The following FGF12 variants were observed in gnomAD, a reference collection of about 807,000 sequenced individuals.
FGF12 encodes the protein fibroblast growth factor 12B.
A neutral mutation model predicts 23.6 loss-of-function variants in FGF12; 14 were observed. The observed-to-expected ratio is 0.59, with a 90% CI of 0.39 to 0.93. FGF12 has a LOEUF of 0.93. Among genes scored for constraint, FGF12 ranks in the 40% least tolerant of loss-of-function variants. The pLI is 0.00. For missense variants in FGF12, 175 were observed against 217.8 expected (o/e 0.80, Z 1.24); for synonymous variants, 62 against 77.3 (o/e 0.80, Z 1.04).
chr3:192,504,457 T>C (rs1048855848), intron 2 of FGF12, among the ~76,000 whole-genome samples: 18 of 152,372 alleles, frequency 1.2e-4, no homozygotes, highest in African/African-American at 4.3e-4. Flanking sequence ...AAAGAGGCAC[T>C]TCTGCCTTTC....
rs34864946 is a variant in FGF12 at position 192,727,462 on chromosome 3, A to AT, written c.-131+21dup. On this transcript the variant is annotated intron_variant, in intron 1 of 5. Coordinates refer to ENST00000445105, the MANE Select transcript of FGF12 (RefSeq NM_004113.6). ...AAATGCATGCACAGTGCCCGCTCAG[A>AT]TTTTTTTTTTTTTTTTTTTACCTGG... is the stretch of plus-strand genomic sequence containing the variant. The AT allele has an allele frequency of 0.085, 47,662 of 558,886 alleles. 378 individuals carry two copies. Among genetic ancestry groups the AT allele is most frequent in the East Asian group, 0.18 (4,756 of 26,230 alleles). The allele number at this position is 558,886 out of a possible 1,614,324, so 34.6% of individuals were successfully genotyped here.
At chr3:192,257,247 T>G (rs1046456041) in intron 4 of FGF12, among the ~76,000 whole-genome samples, 5 of 152,164 alleles carry the variant, frequency 3.3e-5, no homozygotes, top group African/African-American at 1.2e-4. Flanking sequence ...TGTCAGAGTC[T>G]CAGCATTAGC....
chr3:192,349,321 A>G (rs917840870), intron 3 of FGF12, among the ~76,000 whole-genome samples: 2 of 152,076 alleles, frequency 1.3e-5, no homozygotes, highest in Non-Finnish European at 2.9e-5. Flanking sequence ...CAGAGCCTCA[A>G]AGTAAGGTAA....
chr3:192,700,424 A>G (rs1163144229), intron 2 of FGF12, among the ~76,000 whole-genome samples: 1 of 152,214 alleles, frequency 6.6e-6, no homozygotes, highest in Non-Finnish European at 1.5e-5. Flanking sequence ...AAATCCAAAT[A>G]AAGTCCTGTC....
intron 2 of FGF12, among the ~76,000 whole-genome samples, chr3:192,512,835 A>AATATATATATATATATATATAT (rs773570110): frequency 5.1e-4 from 39 of 76,748 alleles, no homozygotes; most frequent in African/African-American, 2.0e-3. Context: ...TACTCAAATA[A>AATATATATATATATATATATAT]ATATATATAT....
intron 4 of FGF12, among the ~76,000 whole-genome samples, chr3:192,172,225 C>T (rs1168894089): frequency 7.2e-6 from 1 of 139,300 alleles, no homozygotes; most frequent in Non-Finnish European, 1.6e-5. Context: ...CCCGTCTCTA[C>T]TAAAAATGCA....
In FGF12 at chr3:192,312,609, C is replaced by T. The variant is rs140440882; in HGVS notation, c.228+22752G>A. 5.7e-4 allele frequency among the ~76,000 whole-genome samples: 86 copies of T among 151,948 alleles called. No homozygotes were observed. In the East Asian group the frequency reaches 0.01, roughly 18 times the overall value. ...GGATTATATGTACAATTAGTCAAAA[C>T]GCAAAGATAATACAAATACAAAACA... is the stretch of plus-strand genomic sequence containing the variant. On this transcript the variant is annotated intron_variant, in intron 4 of 5. Transcript: ENST00000445105.
chr3:192,605,270 G>A lies in FGF12; in HGVS notation c.13+121911C>T, dbSNP rs1023019326. Among the ~76,000 whole-genome samples, 10 of 151,848 alleles carry A rather than the reference G, an allele frequency of 6.6e-5. No homozygotes were observed. In the East Asian group the frequency reaches 1.2e-3, roughly 18 times the overall value. On this transcript the variant is annotated intron_variant, in intron 2 of 5. Transcript: ENST00000445105. Reference sequence around the variant, plus strand: ...CACACACTTCTAGTCCCAGCTACTCGGGAGGCTGAGGCAGGCAGGAGAATC... The same window carrying A: ...CACACACTTCTAGTCCCAGCTACTCAGGAGGCTGAGGCAGGCAGGAGAATC...
At chr3:192,445,137 G>A (rs1722314757) in intron 2 of FGF12, among the ~76,000 whole-genome samples, 1 of 152,098 alleles carries the variant, frequency 6.6e-6, no homozygotes. Flanking sequence ...CATCCATTTT[G>A]CAAAAACAAG....
intron 2 of FGF12, among the ~76,000 whole-genome samples, chr3:192,422,718 C>CA (rs1203249390): frequency 6.6e-6 from 1 of 151,636 alleles, no homozygotes; most frequent in African/African-American, 2.4e-5. Context: ...AACAGAGGAA[C>CA]AAAAAAAAGT....
chr3:192,165,334 G>A (rs896042140), intron 5 of FGF12, among the ~76,000 whole-genome samples: 21 of 151,686 alleles, frequency 1.4e-4, no homozygotes, highest in African/African-American at 4.6e-4. Flanking sequence ...CACAAATAAT[G>A]GAAATAGCTC....
At chr3:192,505,221 C>A (rs1050773795) in intron 2 of FGF12, among the ~76,000 whole-genome samples, 4 of 152,104 alleles carry the variant, frequency 2.6e-5, no homozygotes, top group Admixed American at 1.3e-4. Flanking sequence ...CCTAGCTACA[C>A]CCTTACTTAT....
rs1403434896 is a variant in FGF12 at position 192,604,001 on chromosome 3, G to A, written c.13+123180C>T. 2.0e-5 allele frequency among the ~76,000 whole-genome samples: 3 copies of A among 152,048 alleles called. No individual in the cohort carries two copies. In the East Asian group the frequency reaches 5.8e-4, roughly 29 times the overall value. On this transcript the variant is annotated intron_variant, in intron 2 of 5. Coordinates refer to ENST00000445105, the MANE Select transcript of FGF12 (RefSeq NM_004113.6). ...GACATTCCCAGAGCGGCCGTTTATA[G>A]ACCTCCCCCCAGGAATGAATTCCTT... is the stretch of plus-strand genomic sequence containing the variant.
intron 4 of FGF12, among the ~76,000 whole-genome samples, chr3:192,296,800 G>A (rs1350958852): frequency 6.6e-6 from 1 of 151,964 alleles, no homozygotes; most frequent in Non-Finnish European, 1.5e-5. Flanking sequence ...ATACTTTTAA[G>A]GTCCAAACTT....
At chr3:192,161,240 G>A (rs908096703) in intron 5 of FGF12, among the ~76,000 whole-genome samples, 1 of 152,002 alleles carries the variant, frequency 6.6e-6, no homozygotes, top group African/African-American at 2.4e-5. Context: ...CAGCTCAAAC[G>A]TACAGAATTA....
chr3:192,569,937 C>T (rs1182728097), intron 2 of FGF12, among the ~76,000 whole-genome samples: 1 of 152,114 alleles, frequency 6.6e-6, no homozygotes, highest in East Asian at 1.9e-4. Context: ...AGGATACTAG[C>T]GCTGCTATGA....
chr3:192,626,955 T>C (rs531190638), intron 2 of FGF12, among the ~76,000 whole-genome samples: 80 of 152,290 alleles, frequency 5.3e-4, no homozygotes, highest in African/African-American at 1.9e-3. Flanking sequence ...ATGCTCACTG[T>C]TAAAGATTTT....
intron 4 of FGF12, among the ~76,000 whole-genome samples, chr3:192,195,874 T>C (rs1206953185): frequency 2.6e-5 from 4 of 152,192 alleles, no homozygotes; most frequent in Non-Finnish European, 5.9e-5. Flanking sequence ...TAAGACCACT[T>C]AACATCCACT....
At chr3:192,181,881 ATT>A (rs1716199425) in intron 4 of FGF12, among the ~76,000 whole-genome samples, 1 of 151,664 alleles carries the variant, frequency 6.6e-6, no homozygotes, top group Non-Finnish European at 1.5e-5. Context: ...CAGTGCTGGG[ATT>A]ACAGACATGG....
Sources: gnomAD v4.1 joint callset for allele counts (sites outside exome capture counted in the v4.1 genomes callset) on GRCh38, gnomAD v4.1.1 for gene constraint, MANE v1.5 for transcripts, NCBI Gene and HGNC (gene_info 2026-07-23, HGNC 2026-07-21) for gene names.